Variants in TDRD12 observed in about 807,000 individuals in gnomAD.
TDRD12 encodes the protein putative ATP-dependent RNA helicase TDRD12.
Under a neutral mutation model 133.5 loss-of-function variants are expected in TDRD12, and 158 were observed. That is an observed-to-expected ratio of 1.18 (90% CI 1.04 to 1.35). The LOEUF is 1.35. TDRD12 is among the 40% of genes most tolerant of loss of function. The probability of loss-of-function intolerance (pLI) is 0.00; values close to 1 mark genes in which losing one functional copy is unlikely to be tolerated. For synonymous variants in TDRD12, 460 were observed against 477.9 expected, an observed-to-expected ratio of 0.96 and a Z score of 0.49; for missense variants, 1,443 against 1,321.3, an observed-to-expected ratio of 1.09 and a Z score of -1.43.
At chr19:32,799,242 T>C (rs1599602165) in intron 16 of TDRD12, among the ~76,000 whole-genome samples, 1 of 152,224 alleles carries the variant, frequency 6.6e-6, no homozygotes, top group South Asian at 2.1e-4. Flanking sequence ...CGGTGCAGGG[T>C]TCTTGAACTC....
chr19:32,791,308 A>G (rs546199217), intron 13 of TDRD12, among the ~76,000 whole-genome samples: 7 of 152,226 alleles, frequency 4.6e-5, no homozygotes, highest in African/African-American at 1.7e-4. Flanking sequence ...CCGCTGTGTA[A>G]CTGTGAGCCC....
At chr19:32,800,915 G>A in intron 18 of TDRD12, 143 bp downstream of exon 18, 4 of 877,754 alleles carry the variant, frequency 4.6e-6, no homozygotes, top group African/African-American at 1.7e-5. Flanking sequence ...AGGAGGTGGG[G>A]TCTTCTCACA....
chr19:32,767,290 G>A (rs756167493), intron 8 of TDRD12, among the ~76,000 whole-genome samples: 20 of 151,400 alleles, frequency 1.3e-4, no homozygotes, highest in Non-Finnish European at 2.2e-4. Flanking sequence ...CACTATGCCC[G>A]GCTAATTTTT....
rs192408277 is a variant in TDRD12 at position 32,774,808 on chromosome 19, C to G, written c.1040+1276C>G. 4.4e-3 allele frequency among the ~76,000 whole-genome samples: 672 copies of G among 152,148 alleles called. 5 individuals carry two copies. The highest frequency in any genetic ancestry group is 0.015 in the African/African-American group (637 of 41,530). On this transcript the variant is annotated intron_variant, in intron 10 of 27. Transcript: ENST00000444215. ...GACCAGCCTGGCCAACATGGTGAAA[C>G]CCCATCTCTACTGAAAATAAAAAAA...
intron 6 of TDRD12, among the ~76,000 whole-genome samples, chr19:32,753,265 C>G (rs747375484): frequency 6.6e-6 from 1 of 152,206 alleles, no homozygotes; most frequent in Non-Finnish European, 1.5e-5. Context: ...CATGCACACA[C>G]AAATCTATAT....
In TDRD12 at chr19:32,826,664, CAGCTGTTCTCTTG is replaced by C. The variant is rs1264544995; in HGVS notation, c.1049+68_1049+80del. 12 of 1,224,232 alleles carry C rather than the reference CAGCTGTTCTCTTG, an allele frequency of 9.8e-6. No homozygotes were observed. Among genetic ancestry groups the C allele is most frequent in the Non-Finnish European group, 1.2e-5 (12 of 984,108 alleles). 75.8% of individuals were successfully genotyped at this position (1,224,232 alleles called of 1,614,324 possible). ...TGTGTCATATTCACGCGCTCACTGT[CAGCTGTTCTCTTG>C]AACAGAACCCCAACGTGGCTTTTGA... is the stretch of plus-strand genomic sequence containing the variant. On this transcript the variant is annotated intron_variant, in intron 9 of 9. Coordinates refer to the TDRD12 transcript ENST00000637289.
intron 6 of TDRD12, among the ~76,000 whole-genome samples, chr19:32,752,658 T>C (rs1304335289): frequency 1.3e-5 from 2 of 152,166 alleles, no homozygotes; most frequent in Non-Finnish European, 2.9e-5. Context: ...GGCCATTAGG[T>C]GCTCCTTCAA....
At chr19:32,750,102 T>C (rs1969780396) in intron 6 of TDRD12, among the ~76,000 whole-genome samples, 1 of 152,210 alleles carries the variant, frequency 6.6e-6, no homozygotes, top group Non-Finnish European at 1.5e-5. Context: ...ATTCCTATAG[T>C]GATGAGCATG....
chr19:32,806,384 C>T (rs1394165213), intron 21 of TDRD12, among the ~76,000 whole-genome samples: 1 of 149,156 alleles, frequency 6.7e-6, no homozygotes, highest in African/African-American at 2.5e-5. Flanking sequence ...GCTCTGTCAC[C>T]CAGGCTAGAG....
intron 1 of TDRD12, among the ~76,000 whole-genome samples, chr19:32,728,989 C>T (rs1044272898): frequency 8.0e-5 from 12 of 150,168 alleles, no homozygotes; most frequent in Non-Finnish European, 1.5e-4. Context: ...TTTTCCACAG[C>T]TTGTGTGTGT....
chr19:32,808,957 T>C (rs1966906127), intron 22 of TDRD12, among the ~76,000 whole-genome samples: 1 of 152,038 alleles, frequency 6.6e-6, no homozygotes, highest in South Asian at 2.1e-4. Context: ...TTATATATTA[T>C]TATACATTTT....
At chr19:32,772,507 T>C (rs1239250902) in intron 8 of TDRD12, among the ~76,000 whole-genome samples, 1 of 152,198 alleles carries the variant, frequency 6.6e-6, no homozygotes, top group Non-Finnish European at 1.5e-5. Flanking sequence ...GAAAATACTA[T>C]TGTGTTCCGT....
At chr19:32,824,746 G>T (rs1031660865), downstream of TDRD12, among the ~76,000 whole-genome samples, 5 of 116,340 alleles carry the variant, frequency 4.3e-5, no homozygotes, top group South Asian at 1.2e-3. Context: ...CCCACCCCCC[G>T]CCGCCCTTTC....
In TDRD12 at chr19:32,826,616, C is replaced by T; in HGVS notation, c.1049+18C>T. ...GACAGAGGGTGAGTTGGGATGCACT[C>T]AGCGGGTGGTCTTTACCCTGCGTGT... On this transcript the variant is annotated intron_variant, in intron 9 of 9. Transcript: ENST00000637289. 8.1e-7 allele frequency: 1 copy of T among 1,236,232 alleles called. No homozygotes were observed. Among genetic ancestry groups the T allele is most frequent in the Non-Finnish European group, 1.0e-6 (1 of 990,516 alleles). The allele number at this position is 1,236,232 out of a possible 1,614,324, so 76.6% of individuals were successfully genotyped here.
intron 8 of TDRD12, among the ~76,000 whole-genome samples, chr19:32,758,999 T>C (rs1970075451): frequency 6.6e-6 from 1 of 151,682 alleles, no homozygotes; most frequent in East Asian, 1.9e-4. Flanking sequence ...CCTAGCACTT[T>C]GGGAGACCGA....
chr19:32,825,978 T>G, downstream of TDRD12: 1 of 677,464 alleles, frequency 1.5e-6, no homozygotes, highest in Non-Finnish European at 2.4e-6. The surrounding 1 kb of genome is among the most constrained non-coding windows in gnomAD (Gnocchi z 4.1). Context: ...CAATTTACAC[T>G]TTTATGTGAT....
At chr19:32,740,479 C>T (rs187533319) in intron 3 of TDRD12, among the ~76,000 whole-genome samples, 1 of 151,738 alleles carries the variant, frequency 6.6e-6, no homozygotes, top group Admixed American at 6.6e-5. Context: ...CTCCTGGGTG[C>T]TCTCTGCATC....
intron 4 of TDRD12, among the ~76,000 whole-genome samples, chr19:32,745,790 C>CTG (rs10692093): frequency 0.081 from 7,684 of 94,796 alleles, 928 homozygotes; most frequent in East Asian, 0.23. Flanking sequence ...TGATGTCATT[C>CTG]TGTGTGTGTG....
intron 1 of TDRD12, among the ~76,000 whole-genome samples, chr19:32,728,442 C>T (rs540793997): frequency 7.2e-5 from 11 of 152,006 alleles, no homozygotes; most frequent in South Asian, 6.2e-4. Flanking sequence ...CTTTCAGCAG[C>T]GTTTTATAAT....
Sources: gnomAD v4.1 joint callset for allele counts (sites outside exome capture counted in the v4.1 genomes callset) on GRCh38, gnomAD v4.1.1 for gene constraint, Gnocchi (gnomAD v3.1) non-coding constraint, MANE v1.5 for transcripts, NCBI Gene and HGNC (gene_info 2026-07-23, HGNC 2026-07-21) for gene names.